Variants in CACNA1I observed in about 807,000 individuals in gnomAD.
CACNA1I encodes calcium voltage-gated channel subunit alpha1 I.
Under a neutral mutation model 201.6 loss-of-function variants are expected in CACNA1I, and 74 were observed. The ratio of observed to expected loss-of-function variants is 0.37; its 90% CI spans 0.30 to 0.45. The LOEUF (loss-of-function observed/expected upper bound fraction) is 0.45, where lower values mean the gene tolerates loss of function less well. Among genes scored for constraint, CACNA1I ranks in the 20% least tolerant of loss-of-function variants. The pLI, the probability that CACNA1I is intolerant of heterozygous loss-of-function variation, is 1.00. For synonymous variants in CACNA1I, 1,431 were observed against 1,345.2 expected (o/e 1.06, Z -1.40); for missense variants, 2,346 against 3,138.1 (o/e 0.75, Z 6.03).
At chr22:39,635,995 T>C (rs929490864) in intron 5 of CACNA1I, among the ~76,000 whole-genome samples, 1 of 150,558 alleles carries the variant, frequency 6.6e-6, no homozygotes, top group Non-Finnish European at 1.5e-5. Context: ...GCCCCTGAAA[T>C]GTGAGTTCTC....
intron 6 of CACNA1I, among the ~76,000 whole-genome samples, chr22:39,641,775 T>A (rs138533803): frequency 2.1e-4 from 32 of 152,318 alleles, no homozygotes; most frequent in African/African-American, 7.0e-4. Context: ...CAGCCTATAC[T>A]CTGCAGAGGA....
Position 39,646,502 on chromosome 22 carries a change from CCT to C in CACNA1I, c.1150-61_1150-60del, listed in dbSNP as rs1198471267. 2.7e-6 allele frequency: 4 copies of C among 1,481,202 alleles called. No homozygotes were observed. In the East Asian group the frequency reaches 7.5e-5, roughly 28 times the overall value. The allele number at this position is 1,481,202 out of a possible 1,614,324, so 91.8% of individuals were successfully genotyped here. ...CTGCTGTCCCCACTCCATGACTCTG[CCT>C]CTCTCACCCTTCTGTCCCCTCCATC... On this transcript the variant is annotated intron_variant, in intron 7 of 36. Coordinates refer to ENST00000402142, the MANE Select transcript of CACNA1I (RefSeq NM_021096.4).
In CACNA1I at chr22:39,686,690, A is replaced by G. The variant is rs995339640; in HGVS notation, c.*285A>G. The G allele has an allele frequency of 2.0e-5, 3 of 149,376 alleles. No homozygotes were observed. Among genetic ancestry groups the G allele is most frequent in the Admixed American group, 6.7e-5 (1 of 14,942 alleles). The allele number at this position is 149,376 out of a possible 1,614,324, so 9.3% of individuals were successfully genotyped here. A position where few individuals can be genotyped will look rare whatever the true frequency, so the allele number is the denominator to read the frequency against. Reference sequence around the variant, plus strand: ...CACACATAGACAGACATATATATATATATTTATTTTTTTTACTGAGAGCTT... The same window carrying G: ...CACACATAGACAGACATATATATATGTATTTATTTTTTTTACTGAGAGCTT... On this transcript the variant is annotated 3_prime_UTR_variant, in exon 37 of 37. Coordinates refer to ENST00000402142, the MANE Select transcript of CACNA1I (RefSeq NM_021096.4).
intron 26 of CACNA1I, 49 bp from the exon 27 acceptor site, chr22:39,672,150 T>A (rs746119219): frequency 8.4e-7 from 1 of 1,194,726 alleles, no homozygotes; most frequent in African/African-American, 1.5e-5. Context: ...AGGAAGGTTG[T>A]GGAGCAGGTC....
intron 1 of CACNA1I, among the ~76,000 whole-genome samples, chr22:39,590,439 C>T (rs1932808060): frequency 1.3e-5 from 2 of 152,220 alleles, no homozygotes; most frequent in Non-Finnish European, 2.9e-5. Flanking sequence ...GGCCTGGGTC[C>T]CCAGCAGGGA....
In CACNA1I at chr22:39,646,704, G is replaced by A. The variant is rs779606456; in HGVS notation, c.1285G>A (p.Ala429Thr). 31 of 1,594,348 alleles carry A rather than the reference G, an allele frequency of 1.9e-5. No individual in the cohort carries two copies. In the Admixed American group the frequency reaches 2.9e-4, roughly 15 times the overall value. Reference protein sequence around the residue: ...YLSSSTVASYAEPGDCYEEIF... With the variant: ...YLSSSTVASYTEPGDCYEEIF... ...GTCCTCCAGCACGGTGGCCAGCTACGCCGAGCCTGGCGACTGCTACGAGGA... is the reference window on the plus strand; with the variant it reads ...GTCCTCCAGCACGGTGGCCAGCTACACCGAGCCTGGCGACTGCTACGAGGA... The change falls in exon 8 of 37, where the codon GCC (alanine) becomes ACC (threonine). Residue 429 changes from alanine to threonine, a missense_variant. By Grantham distance (58) the Ala-to-Thr change is moderately conservative (BLOSUM62 0). Around this residue, in one of 13 missense-constraint regions of CACNA1I, gnomAD observed 312 missense variants for 331.5 expected, o/e 0.94. Transcript: ENST00000402142.
intron 1 of CACNA1I, among the ~76,000 whole-genome samples, chr22:39,575,420 G>C (rs1932312253): frequency 6.6e-6 from 1 of 152,152 alleles, no homozygotes; most frequent in Non-Finnish European, 1.5e-5. Context: ...CCATATGTGT[G>C]GTTATCACTC....
In CACNA1I at chr22:39,629,148, T is replaced by G. The variant is rs1378038805; in HGVS notation, c.581-5417T>G. Among the ~76,000 whole-genome samples the G allele has an allele frequency of 6.6e-6, 1 of 152,162 alleles. No homozygotes were observed. Among genetic ancestry groups the G allele is most frequent in the African/African-American group, 2.4e-5 (1 of 41,438 alleles). On this transcript the variant is annotated intron_variant, in intron 4 of 36. Transcript: ENST00000402142. This position sits in a 1 kb window ranked among gnomAD's most constrained non-coding sequence, Gnocchi z 4.8. ...CTCCATCCACTTGCCCGCTGCCATC[T>G]GCCACCACCAAGCCCCTAGCTTTCA...
At chr22:39,660,058 C>T (rs921000705) in intron 14 of CACNA1I, among the ~76,000 whole-genome samples, 10 of 152,142 alleles carry the variant, frequency 6.6e-5, no homozygotes, top group Non-Finnish European at 4.4e-5. Flanking sequence ...CTGCTCCCCC[C>T]CAGGGATGTA....
rs1214463845 is a variant in CACNA1I, at chr22:39,686,237, C to T, written c.6504C>T (p.Ala2168=). Residue 2168 remains alanine, a synonymous_variant, in exon 37 of 37, where the codon GCC becomes GCT. Transcript: ENST00000402142. ...SLAAPGRPHA[A]ALAHGLARSP... ...CCGCCCCCGGCCGCCCCCACGCCGC[C>T]GCCCTGGCCCACGGCCTGGCCCGGA... is the stretch of plus-strand genomic sequence containing the variant. 4 of 1,245,544 alleles carry T rather than the reference C, an allele frequency of 3.2e-6. No homozygotes were observed. Among genetic ancestry groups the T allele is most frequent in the African/African-American group, 1.6e-5 (1 of 63,340 alleles). 77.2% of individuals were successfully genotyped at this position (1,245,544 alleles called of 1,614,324 possible).
intron 8 of CACNA1I, 127 bp downstream of exon 8, chr22:39,647,008 T>A: frequency 7.3e-7 from 1 of 1,374,874 alleles, no homozygotes; most frequent in South Asian, 1.5e-5. Flanking sequence ...AGTGTTTCCT[T>A]CACAGCCCCC....
chr22:39,601,028 C>T (rs948534113), intron 3 of CACNA1I, among the ~76,000 whole-genome samples: 4 of 152,162 alleles, frequency 2.6e-5, no homozygotes, highest in African/African-American at 9.7e-5. Context: ...TCTCATCACG[C>T]CAGAGACCGA....
intron 3 of CACNA1I, among the ~76,000 whole-genome samples, chr22:39,610,434 T>TATGGG (rs1382784270): frequency 6.6e-6 from 1 of 152,078 alleles, no homozygotes; most frequent in Non-Finnish European, 1.5e-5. Context: ...CTCATTTGCA[T>TATGGG]ATGGGATGGG....
At chr22:39,635,691 C>G (rs1401966930) in intron 5 of CACNA1I, among the ~76,000 whole-genome samples, 1 of 151,868 alleles carries the variant, frequency 6.6e-6, no homozygotes, top group Non-Finnish European at 1.5e-5. Context: ...CCAGAAGAGG[C>G]AGGTCCTGAG....
intron 1 of CACNA1I, among the ~76,000 whole-genome samples, chr22:39,571,597 AC>A (rs1402075641): frequency 1.7e-4 from 26 of 150,824 alleles, no homozygotes; most frequent in South Asian, 6.2e-4. Flanking sequence ...CTCACTTCCC[AC>A]CACTTGGCTT....
rs754359024 is a variant in CACNA1I, at chr22:39,600,643, G to A, written c.472G>A (p.Val158Ile). The change falls in exon 3 of 37, where the codon GTC (valine) becomes ATC (isoleucine). Residue 158 changes from valine to isoleucine, a missense_variant. Val to Ile is a conservative substitution (Grantham distance 29). This residue lies in a region of CACNA1I where 227 missense variants were observed against 412.5 expected (regional missense o/e 0.55). Transcript: ENST00000402142. ...DTWNRLDFFI[V>I]MAGMVEYSLD... ...ATGGAACCGCCTGGATTTCTTCATCGTCATGGCAGGGTAGGTAGCGCCCGC... is the reference window on the plus strand; with the variant it reads ...ATGGAACCGCCTGGATTTCTTCATCATCATGGCAGGGTAGGTAGCGCCCGC... 13 of 1,604,646 alleles carry A rather than the reference G, an allele frequency of 8.1e-6. No homozygotes were observed. The highest frequency in any genetic ancestry group is 5.6e-5 in the South Asian group (5 of 89,040).
chr22:39,664,260 C>T lies in CACNA1I; in HGVS notation c.3666+101C>T, dbSNP rs1935113810. 5 of 994,738 alleles carry T rather than the reference C, an allele frequency of 5.0e-6. No homozygotes were observed. The South Asian group carries it at 7.1e-5, about 14-fold the overall frequency. 61.6% of individuals were successfully genotyped at this position (994,738 alleles called of 1,614,324 possible). ...CTTGTCACTCGCCTGCCATCGGCTT[C>T]ATTTCACTCGTAGCCCCATGGCCCA... On this transcript the variant is annotated intron_variant, in intron 20 of 36. Coordinates refer to ENST00000402142, the MANE Select transcript of CACNA1I (RefSeq NM_021096.4).
intron 10 of CACNA1I, among the ~76,000 whole-genome samples, chr22:39,657,637 C>T (rs1462097780): frequency 1.3e-5 from 2 of 152,224 alleles, no homozygotes. Flanking sequence ...GGACTGGCGT[C>T]CTGTGAACCC....
chr22:39,616,619 C>T (rs1024940068), intron 3 of CACNA1I, among the ~76,000 whole-genome samples: 1 of 152,022 alleles, frequency 6.6e-6, no homozygotes, highest in African/African-American at 2.4e-5. Context: ...ACAAAATTAG[C>T]TGGGCATGGT....
Sources: allele counts gnomAD v4.1 joint callset (sites outside exome capture counted in the v4.1 genomes callset), GRCh38; gene constraint gnomAD v4.1.1; regional missense constraint gnomAD v4.1.1; non-coding constraint Gnocchi (gnomAD v3.1); transcripts MANE v1.5; gene names NCBI Gene and HGNC (gene_info 2026-07-23, HGNC 2026-07-21).